TUSC3: variants seen among roughly 807,000 people sequenced by gnomAD.
TUSC3 encodes the protein dolichyl-diphosphooligosaccharide--protein glycosyltransferase subunit TUSC3.
A neutral mutation model predicts 44.8 loss-of-function variants in TUSC3; 45 were observed. The observed-to-expected ratio is 1.00, with a 90% CI of 0.79 to 1.29. TUSC3 has a LOEUF of 1.29. Among genes scored for constraint, TUSC3 ranks in the 50% most tolerant of loss-of-function variants. The pLI is 0.00. For missense variants in TUSC3, 519 were observed against 437.9 expected (o/e 1.19, Z -1.65); for synonymous variants, 212 against 152.9 (o/e 1.39, Z -2.85).
chr8:15,684,147 A>G (rs1479550843), intron 6 of TUSC3, among the ~76,000 whole-genome samples: 1 of 151,916 alleles, frequency 6.6e-6, no homozygotes. Context: ...CTGGTTTCTG[A>G]GATTTGGTGG....
intron 2 of TUSC3, among the ~76,000 whole-genome samples, chr8:15,497,067 C>CA (rs1800891012): frequency 6.6e-6 from 1 of 152,006 alleles, no homozygotes; most frequent in Non-Finnish European, 1.5e-5. Flanking sequence ...AAGGAAATGA[C>CA]AAAATACGGA....
intron 1 of TUSC3, among the ~76,000 whole-genome samples, chr8:15,471,461 T>C (rs543880137): frequency 5.3e-5 from 8 of 152,296 alleles, no homozygotes; most frequent in Middle Eastern, 6.8e-3. Flanking sequence ...TTGGAAGAAG[T>C]AAATATCTTA....
chr8:15,632,926 C>T lies in TUSC3; in HGVS notation c.308+9677C>T, dbSNP rs78717305. On this transcript the variant is annotated intron_variant, in intron 2 of 10. Transcript: ENST00000503731. ...ATATTCTAAGCTTACGTTGTATGTTCTCTGCCGTGGAACTGTAATCAGCAC... is the reference window on the plus strand; with the variant it reads ...ATATTCTAAGCTTACGTTGTATGTTTTCTGCCGTGGAACTGTAATCAGCAC... Among the ~76,000 whole-genome samples the T allele has an allele frequency of 8.2e-3, 1,243 of 152,250 alleles. 10 individuals carry two copies. The highest frequency in any genetic ancestry group is 0.013 in the Non-Finnish European group (909 of 68,020).
At position 15,576,629 on chromosome 8, in the gene TUSC3, A is replaced by G. The variant is rs546659144; in HGVS notation, c.138+36061A>G. Among the ~76,000 whole-genome samples the G allele has an allele frequency of 7.6e-5, 11 of 144,326 alleles. No individual in the cohort carries two copies. The East Asian group carries it at 2.3e-3, about 30-fold the overall frequency. 94.7% of individuals were successfully genotyped at this position (144,326 alleles called of 152,430 possible). A position where few individuals can be genotyped will look rare whatever the true frequency, so the allele number is the denominator to read the frequency against. ...TTCCAGTTTCATCCATGTCCCTACA[A>G]AGGACACGAACTCATCATTTTTTAT... is the stretch of plus-strand genomic sequence containing the variant. On this transcript the variant is annotated intron_variant, in intron 1 of 10. Coordinates refer to ENST00000503731, the MANE Select transcript of TUSC3 (RefSeq NM_006765.4).
At chr8:15,630,797 G>T (rs1805725228) in intron 2 of TUSC3, among the ~76,000 whole-genome samples, 1 of 152,068 alleles carries the variant, frequency 6.6e-6, no homozygotes, top group South Asian at 2.1e-4. Flanking sequence ...TCTCATAATG[G>T]GGACTGGTGA....
At chr8:15,844,082 G>A in the TUSC3 span, among the ~76,000 whole-genome samples, 2 of 152,160 alleles carry the variant, frequency 1.3e-5, no homozygotes, top group South Asian at 4.2e-4. Flanking sequence ...ACCTCTGAAG[G>A]AACAATGGTC....
intron 6 of TUSC3, among the ~76,000 whole-genome samples, chr8:15,698,366 A>G (rs1809255447): frequency 1.3e-5 from 2 of 152,206 alleles, no homozygotes; most frequent in Non-Finnish European, 1.5e-5. Flanking sequence ...CTTTCAGTAA[A>G]CTTATGAAAA....
chr8:15,803,072 A>T, the TUSC3 span, among the ~76,000 whole-genome samples: 100 of 152,172 alleles, frequency 6.6e-4, 1 homozygote, highest in East Asian at 0.016. Context: ...GTTGATGTTC[A>T]CTCCTCTCTT....
chr8:15,837,368 A>T, the TUSC3 span, among the ~76,000 whole-genome samples: 2 of 152,090 alleles, frequency 1.3e-5, no homozygotes, highest in Non-Finnish European at 2.9e-5. Context: ...GTATTGGATT[A>T]TGTATTAGTT....
At chr8:15,593,402 T>C (rs1293694576) in intron 1 of TUSC3, among the ~76,000 whole-genome samples, 1 of 152,196 alleles carries the variant, frequency 6.6e-6, no homozygotes, top group Non-Finnish European at 1.5e-5. Flanking sequence ...TTAGTGTGCT[T>C]TTAAACAATG....
chr8:15,650,905 G>A (rs1806872814), intron 3 of TUSC3, 91 bp downstream of exon 3: 6 of 1,377,196 alleles, frequency 4.4e-6, no homozygotes, highest in South Asian at 1.2e-5. Context: ...TTCATTCATC[G>A]TCTGAACCTG....
intron 1 of TUSC3, among the ~76,000 whole-genome samples, chr8:15,603,124 A>G (rs1440780690): frequency 6.6e-6 from 1 of 151,684 alleles, no homozygotes; most frequent in Non-Finnish European, 1.5e-5. Flanking sequence ...CCACACATGT[A>G]GTTAATTACT....
the TUSC3 span, among the ~76,000 whole-genome samples, chr8:15,825,514 A>G: frequency 0.48 from 72,443 of 151,850 alleles, 18,907 homozygotes; most frequent in East Asian, 0.69. Flanking sequence ...CACAACATGA[A>G]GGAATTATGG....
chr8:15,708,110 G>C (rs763319511), intron 6 of TUSC3, among the ~76,000 whole-genome samples: 4 of 151,784 alleles, frequency 2.6e-5, no homozygotes, highest in Non-Finnish European at 5.9e-5. Flanking sequence ...TTCCAAATAA[G>C]GTCACAGTCC....
At chr8:15,798,588 C>A in the TUSC3 span, among the ~76,000 whole-genome samples, 85 of 152,164 alleles carry the variant, frequency 5.6e-4, no homozygotes, top group African/African-American at 2.0e-3. Context: ...GTGGCGGCAG[C>A]TTTGGTTCAA....
intron 8 of TUSC3, among the ~76,000 whole-genome samples, chr8:15,747,802 G>A (rs562669767): frequency 4.6e-5 from 7 of 152,104 alleles, no homozygotes; most frequent in African/African-American, 1.4e-4. Flanking sequence ...GCCATGGAGG[G>A]AGTTTTCTCC....
At chr8:15,509,284 C>G (rs922993710) in intron 2 of TUSC3, among the ~76,000 whole-genome samples, 2 of 152,140 alleles carry the variant, frequency 1.3e-5, no homozygotes, top group Non-Finnish European at 2.9e-5. Context: ...GTTTCCTTAA[C>G]TTTTTTAACT....
intron 6 of TUSC3, among the ~76,000 whole-genome samples, chr8:15,687,717 CCTTA>C (rs2129188194): frequency 6.6e-6 from 1 of 152,158 alleles, no homozygotes; most frequent in African/African-American, 2.4e-5. Context: ...TGATTTGTAC[CCTTA>C]CTTCATGACA....
chr8:15,597,343 C>A (rs769083754), intron 1 of TUSC3, among the ~76,000 whole-genome samples: 15 of 152,194 alleles, frequency 9.9e-5, no homozygotes, highest in Admixed American at 2.6e-4. Context: ...GGACAGTTTT[C>A]CTCAAGGTAA....
Sources: gnomAD v4.1 joint callset for allele counts (sites outside exome capture counted in the v4.1 genomes callset) on GRCh38, gnomAD v4.1.1 for gene constraint, MANE v1.5 for transcripts, NCBI Gene and HGNC (gene_info 2026-07-23, HGNC 2026-07-21) for gene names.